FAM171A1: variants seen among roughly 807,000 people sequenced by gnomAD.
FAM171A1 encodes family with sequence similarity 171 member A1.
A neutral mutation model predicts 74.9 loss-of-function variants in FAM171A1; 23 were observed. The observed-to-expected ratio is 0.31, with a 90% CI of 0.22 to 0.44. The LOEUF (loss-of-function observed/expected upper bound fraction) is 0.44. Ranked by LOEUF, FAM171A1 falls within the 20% of genes least tolerant of loss-of-function variation. The pLI is 1.00. For synonymous variants in FAM171A1, 527 were observed against 505.7 expected (o/e 1.04, Z -0.57); for missense variants, 1,162 against 1,159.2 (o/e 1.00, Z -0.03).
chr10:15,316,730 T>A (rs1835426688), intron 1 of FAM171A1, among the ~76,000 whole-genome samples: 1 of 152,164 alleles, frequency 6.6e-6, no homozygotes, highest in African/African-American at 2.4e-5. Context: ...TGTGTTGGCA[T>A]AACTATGGCA....
At chr10:15,274,341 C>A (rs1339170400) in intron 3 of FAM171A1, among the ~76,000 whole-genome samples, 3 of 152,138 alleles carry the variant, frequency 2.0e-5, no homozygotes, top group African/African-American at 7.2e-5. Flanking sequence ...ATGTGAAGGA[C>A]CTCCTCAGGG....
intron 1 of FAM171A1, among the ~76,000 whole-genome samples, chr10:15,345,519 C>A (rs149550775): frequency 6.6e-6 from 1 of 152,160 alleles, no homozygotes; most frequent in African/African-American, 2.4e-5. Flanking sequence ...TGTATAAAGG[C>A]AGGGTGGCCG....
rs936228993 is a variant in FAM171A1, at chr10:15,316,485, G to C, written c.98-32380C>G. Among the ~76,000 whole-genome samples the C allele has an allele frequency of 3.9e-5, 6 of 152,332 alleles. No individual in the cohort carries two copies. The East Asian group carries it at 7.7e-4, about 20-fold the overall frequency. The stretch of plus-strand genomic sequence containing the variant: ...AGCATTCCTCGGGGTGAGTCCATGT[G>C]TCTGGCTACCCTGGTTCTAAGAAAC... On this transcript the variant is annotated intron_variant, in intron 1 of 7. Transcript: ENST00000378116.
chr10:15,329,961 T>C (rs974346620), intron 1 of FAM171A1, among the ~76,000 whole-genome samples: 1 of 152,184 alleles, frequency 6.6e-6, no homozygotes, highest in Non-Finnish European at 1.5e-5. Context: ...AGGACTTTTG[T>C]GGAATGCATT....
chr10:15,348,139 G>A (rs1307686351), intron 1 of FAM171A1, among the ~76,000 whole-genome samples: 2 of 150,444 alleles, frequency 1.3e-5, no homozygotes, highest in Non-Finnish European at 3.0e-5. Flanking sequence ...CACCATTCCC[G>A]GCTAATTTTT....
At chr10:15,370,848 G>T in intron 1 of FAM171A1, 108 bp downstream of exon 1, 1 of 361,532 alleles carries the variant, frequency 2.8e-6, no homozygotes, top group Non-Finnish European at 3.8e-6. Flanking sequence ...CTCGGGCTGC[G>T]TCGCCACCAC....
chr10:15,308,088 A>G (rs1467670957), intron 1 of FAM171A1, among the ~76,000 whole-genome samples: 1 of 152,180 alleles, frequency 6.6e-6, no homozygotes, highest in Non-Finnish European at 1.5e-5. Context: ...GATTACAGGC[A>G]TGAGCTACCA....
intron 1 of FAM171A1, among the ~76,000 whole-genome samples, chr10:15,355,640 AG>A (rs1835923750): frequency 6.6e-6 from 1 of 152,084 alleles, no homozygotes; most frequent in Non-Finnish European, 1.5e-5. Flanking sequence ...GCTTGAATCC[AG>A]GAAGTGGAGG....
At chr10:15,216,630 C>G (rs1327427049) in intron 6 of FAM171A1, among the ~76,000 whole-genome samples, 1 of 152,040 alleles carries the variant, frequency 6.6e-6, no homozygotes, top group Non-Finnish European at 1.5e-5. Context: ...GCAATGTTCT[C>G]ACTATGTTGC....
intron 5 of FAM171A1, among the ~76,000 whole-genome samples, chr10:15,245,658 C>T (rs1049395603): frequency 1.3e-5 from 2 of 152,250 alleles, no homozygotes; most frequent in Non-Finnish European, 2.9e-5. Context: ...CAGTGGGTGG[C>T]AGAGCTGGCA....
chr10:15,354,196 C>T (rs904376169), intron 1 of FAM171A1, among the ~76,000 whole-genome samples: 1 of 152,044 alleles, frequency 6.6e-6, no homozygotes, highest in South Asian at 2.1e-4. Flanking sequence ...TGGAGCTCTG[C>T]ATAAAAAGTG....
intron 1 of FAM171A1, among the ~76,000 whole-genome samples, chr10:15,354,599 G>A (rs557898336): frequency 2.6e-5 from 4 of 152,270 alleles, no homozygotes; most frequent in Non-Finnish European, 4.4e-5. Flanking sequence ...GGGAAGCACC[G>A]AGTCCGATCT....
At chr10:15,312,671 GTGTTTTTTTTTTTTTTTTTT>G (rs1427669860) in intron 1 of FAM171A1, among the ~76,000 whole-genome samples, 3 of 51,884 alleles carry the variant, frequency 5.8e-5, no homozygotes, top group African/African-American at 2.2e-4. Context: ...TCAGCACTGT[GTGTTTTTTTTTTTTTTTTTT>G]TTTTTTTTTT....
chr10:15,231,511 G>T (rs769902034), intron 5 of FAM171A1, among the ~76,000 whole-genome samples: 2 of 151,988 alleles, frequency 1.3e-5, no homozygotes, highest in Admixed American at 6.6e-5. Flanking sequence ...CCCTGAGAAC[G>T]CGGTTCTAAC....
At chr10:15,330,713 C>CTTTTTTTTTTTTTTTTTT (rs898772126) in intron 1 of FAM171A1, among the ~76,000 whole-genome samples, 2 of 76,758 alleles carry the variant, frequency 2.6e-5, no homozygotes, top group African/African-American at 5.2e-5. Context: ...TCTTCTTCTT[C>CTTTTTTTTTTTTTTTTTT]TTTTTTTTTT....
chr10:15,266,267 T>C (rs1362841956), intron 3 of FAM171A1, among the ~76,000 whole-genome samples: 1 of 152,156 alleles, frequency 6.6e-6, no homozygotes, highest in Non-Finnish European at 1.5e-5. Context: ...GGACGAGAGC[T>C]GCTGGGTCCC....
At chr10:15,215,717 G>A (rs896694710) in intron 7 of FAM171A1, among the ~76,000 whole-genome samples, 2 of 152,006 alleles carry the variant, frequency 1.3e-5, no homozygotes, top group Non-Finnish European at 2.9e-5. Context: ...CTTAATCAGC[G>A]TTCAGGAATA....
At chr10:15,220,796 T>C (rs1053995033) in intron 6 of FAM171A1, 148 bp downstream of exon 6, 1 of 659,488 alleles carries the variant, frequency 1.5e-6, no homozygotes. Flanking sequence ...AAATACCTTC[T>C]TTACATCATC....
rs559287203 is a variant in FAM171A1, at chr10:15,320,556, T to C, written c.98-36451A>G. Among the ~76,000 whole-genome samples, 83 of 152,326 alleles carry C rather than the reference T, an allele frequency of 5.4e-4. No individual in the cohort carries two copies. In the South Asian group the frequency reaches 0.012, roughly 21 times the overall value. ...GAGAAATTTCCAAATTGCTTTCCAATAGTGGCTGAACTAACTTACATTCCC... is the reference window on the plus strand; with the variant it reads ...GAGAAATTTCCAAATTGCTTTCCAACAGTGGCTGAACTAACTTACATTCCC... On this transcript the variant is annotated intron_variant, in intron 1 of 7. Coordinates refer to ENST00000378116, the MANE Select transcript of FAM171A1 (RefSeq NM_001010924.2).
Sources: allele counts gnomAD v4.1 joint callset (sites outside exome capture counted in the v4.1 genomes callset), GRCh38; gene constraint gnomAD v4.1.1; transcripts MANE v1.5; gene names NCBI Gene and HGNC (gene_info 2026-07-23, HGNC 2026-07-21).